NSUN2: variants seen among roughly 807,000 people sequenced by gnomAD.
NSUN2 encodes RNA cytosine C(5)-methyltransferase NSUN2.
In NSUN2, 63 loss-of-function variants were observed where a neutral mutation model predicts 92.7. The ratio of observed to expected loss-of-function variants is 0.68; its 90% CI spans 0.56 to 0.84. The LOEUF is 0.84. Among genes scored for constraint, NSUN2 ranks in the 40% least tolerant of loss-of-function variants. NSUN2 has a pLI of 0.00. For missense variants in NSUN2, 989 were observed against 964.9 expected (o/e 1.02, Z -0.33); for synonymous variants, 356 against 348.3 (o/e 1.02, Z -0.25).
rs979153366 is a variant in NSUN2, at chr5:6,620,153, C to A, written c.768G>T (p.Arg256Ser). Residue 256 changes from arginine (R) to serine (S), a missense_variant, in exon 7 of 19, where the codon AGG becomes AGT. Arg to Ser is a moderately radical substitution (Grantham distance 110, BLOSUM62 -1). Around this residue, in one of 3 missense-constraint regions of NSUN2, gnomAD observed 356 missense variants for 338.6 expected, o/e 1.05. Coordinates refer to ENST00000264670, the MANE Select transcript of NSUN2 (RefSeq NM_017755.6). ...TTCGATCATAGAAGAGGATCTCTTTCCTGCCGTCCACATCTATCTGGAGCC... is the reference window on the plus strand; with the variant it reads ...TTCGATCATAGAAGAGGATCTCTTTACTGCCGTCCACATCTATCTGGAGCC... ...IPRLQIDVDGRKEILFYDRIL... is the reference protein window; with the variant it reads ...IPRLQIDVDGSKEILFYDRIL... 2.5e-6 allele frequency: 4 copies of A among 1,609,412 alleles called. No homozygotes were observed. The highest frequency in any genetic ancestry group is 1.7e-5 in the Admixed American group (1 of 59,020).
Position 6,599,845 on chromosome 5 carries a change from G to T in NSUN2, c.*81C>A. 1 of 1,261,716 alleles carries T rather than the reference G, an allele frequency of 7.9e-7. No individual in the cohort carries two copies. The highest frequency in any genetic ancestry group is 1.1e-6 in the Non-Finnish European group (1 of 890,428). The allele number at this position is 1,261,716 out of a possible 1,614,324, so 78.2% of individuals were successfully genotyped here. ...TGCTTTACAGGCCACAGGCTGCTCT[G>T]GATTTGGTTTCAGACACCAGTGACC... On this transcript the variant is annotated 3_prime_UTR_variant, in exon 19 of 19. Transcript: ENST00000264670.
At chr5:6,601,052 C>T (rs1560969417) in intron 18 of NSUN2, among the ~76,000 whole-genome samples, 1 of 152,112 alleles carries the variant, frequency 6.6e-6, no homozygotes, top group Non-Finnish European at 1.5e-5. Context: ...TTTTAGGCTC[C>T]TAACGGCCGT....
chr5:6,628,304 T>C (rs1737734717), intron 3 of NSUN2, among the ~76,000 whole-genome samples: 1 of 151,986 alleles, frequency 6.6e-6, no homozygotes, highest in African/African-American at 2.4e-5. Flanking sequence ...GCTGAGATCA[T>C]GCCACTGCAC....
chr5:6,623,832 A>C (rs1737551996), intron 4 of NSUN2, among the ~76,000 whole-genome samples: 1 of 147,094 alleles, frequency 6.8e-6, no homozygotes, highest in Non-Finnish European at 1.5e-5. Flanking sequence ...TCAATATCTA[A>C]AATTCCTCAC....
At chr5:6,600,350 C>T in intron 18 of NSUN2, 118 bp from the exon 19 acceptor site, 1 of 883,426 alleles carries the variant, frequency 1.1e-6, no homozygotes, top group Non-Finnish European at 1.7e-6. Context: ...CCACAAAACC[C>T]CCAAAACTAC....
chr5:6,611,871 C>G (rs1167462764), intron 9 of NSUN2, 73 bp from the exon 10 acceptor site: 9 of 1,209,046 alleles, frequency 7.4e-6, no homozygotes, highest in Non-Finnish European at 1.1e-5. Context: ...TGAAAAAAAC[C>G]AGACACAGAT....
chr5:6,604,479 A>G (rs1320793401), intron 16 of NSUN2, 126 bp downstream of exon 16: 1 of 974,016 alleles, frequency 1.0e-6, no homozygotes, highest in Non-Finnish European at 1.6e-6. Flanking sequence ...GTGAGGGTCA[A>G]GTGGCTGGTA....
intron 3 of NSUN2, among the ~76,000 whole-genome samples, 174 bp from the exon 4 acceptor site, chr5:6,625,843 T>G (rs1737633432): frequency 6.6e-6 from 1 of 152,188 alleles, no homozygotes; most frequent in African/African-American, 2.4e-5. Flanking sequence ...GCTGTAGGCT[T>G]AAGGAACATG....
At position 6,610,238 on chromosome 5, in the gene NSUN2, A is replaced by G. The variant is rs538519224; in HGVS notation, c.1227-316T>C. 4.7e-5 allele frequency among the ~76,000 whole-genome samples: 7 copies of G among 149,674 alleles called. No individual in the cohort carries two copies. In the East Asian group the frequency reaches 1.4e-3, roughly 29 times the overall value. ...AACACACTGCCTGGCCAGTTTTTGT[A>G]TTTTTCTTTTTTTTTTTCTGTAGAG... On this transcript the variant is annotated intron_variant, in intron 11 of 18. Transcript: ENST00000264670.
Position 6,606,884 on chromosome 5 carries a change from A to G in NSUN2, c.1537T>C (p.Phe513Leu). 5 of 1,594,016 alleles carry G rather than the reference A, an allele frequency of 3.1e-6. No homozygotes were observed. The highest frequency in any genetic ancestry group is 4.3e-6 in the Non-Finnish European group (5 of 1,162,230). Residue 513 changes from phenylalanine (F) to leucine (L), a missense_variant, in exon 14 of 19, where the codon TTT (phenylalanine) becomes CTT (leucine). Phe to Leu is a conservative substitution (Grantham distance 22). Transcript: ENST00000264670. ...GPPPSKKMKL[F>L]GFKEDPFVFI... The stretch of plus-strand genomic sequence containing the variant: ...ACAAATGGATCTTCTTTAAATCCAA[A>G]TAACTTCATTTTCTTTGATGGAGGA...
chr5:6,627,100 C>A (rs1255870360), intron 3 of NSUN2, among the ~76,000 whole-genome samples: 2 of 152,162 alleles, frequency 1.3e-5, no homozygotes, highest in African/African-American at 4.8e-5. Context: ...AGGTCCCCAG[C>A]GCTTTGATTC....
Position 6,604,268 on chromosome 5 carries a change from A to G in NSUN2, c.1827T>C (p.Tyr609=), listed in dbSNP as rs866422414. 5.0e-6 allele frequency: 8 copies of G among 1,593,882 alleles called. No homozygotes were observed. The Middle Eastern group carries it at 8.3e-4, about 166-fold the overall frequency. ...TTGAGTTAATAAATGGATACAATGTATATATTCCCTGTGTGAATAAAGAGA... is the reference window on the plus strand; with the variant it reads ...TTGAGTTAATAAATGGATACAATGTGTATATTCCCTGTGTGAATAAAGAGA... The part of the protein sequence containing the change: ...CAFRLAQEGI[Y]TLYPFINSRI... The change falls in exon 17 of 19, where the codon TAT becomes TAC. Residue 609 remains tyrosine (Y), a synonymous_variant. Transcript: ENST00000264670.
intron 18 of NSUN2, among the ~76,000 whole-genome samples, chr5:6,600,609 C>T (rs1736512254): frequency 1.3e-5 from 2 of 152,324 alleles, no homozygotes; most frequent in Middle Eastern, 3.4e-3. Flanking sequence ...AGGCTCCCTG[C>T]AGCTCACCTC....
rs148924682 is a variant in NSUN2, at chr5:6,622,026, G to A, written c.612C>T (p.Val204=). 1.2e-6 allele frequency: 2 copies of A among 1,613,578 alleles called. No homozygotes were observed. The highest frequency in any genetic ancestry group is 1.7e-6 in the Non-Finnish European group (2 of 1,179,588). ...LIEMLHADMN[V]PFPEGFVIAN... ...AAGTCCAATGCATACCTGGAAAGGG[G>A]ACATTCATGTCGGCATGTAGCATTT... Residue 204 remains valine, a synonymous_variant, in exon 6 of 19, where the codon GTC becomes GTT. Transcript: ENST00000264670.
chr5:6,632,826 C>A, intron 1 of NSUN2, 58 bp downstream of exon 1: 1 of 1,561,936 alleles, frequency 6.4e-7, no homozygotes. Context: ...TCGCAGGCCT[C>A]GGGGTCCGGG....
chr5:6,617,875 T>C, intron 8 of NSUN2, 75 bp downstream of exon 8: 2 of 1,118,800 alleles, frequency 1.8e-6, no homozygotes, highest in Non-Finnish European at 2.6e-6. Flanking sequence ...AAAGATCGGA[T>C]GCTCACTTGC....
rs55802212 is a variant in NSUN2, at chr5:6,619,975, C to T, written c.815+131G>A. 0.017 allele frequency: 11,544 copies of T among 685,050 alleles called. 158 individuals are homozygous for T. The highest frequency in any genetic ancestry group is 0.031 in the Middle Eastern group (110 of 3,500). 42.4% of individuals were successfully genotyped at this position (685,050 alleles called of 1,614,324 possible). On this transcript the variant is annotated intron_variant, in intron 7 of 18. Transcript: ENST00000264670. The stretch of plus-strand genomic sequence containing the variant: ...CTACGTGTCCATCTTTTGGTTTAGG[C>T]TCACGCTATCTTTCTCCGCACCCCA...
rs1223255340 is a variant in NSUN2, at chr5:6,622,118, A to C, written c.538-18T>G. ...TCTAAGATCTATTAACAAAGCAAGA[A>C]ACTGTTTCATGTTTTTAAAAAACCA... On this transcript the variant is annotated intron_variant, in intron 5 of 18. Transcript: ENST00000264670. 1 of 1,593,296 alleles carries C rather than the reference A, an allele frequency of 6.3e-7. No individual in the cohort carries two copies. The highest frequency in any genetic ancestry group is 8.6e-7 in the Non-Finnish European group (1 of 1,166,106).
At chr5:6,609,730 T>C in intron 12 of NSUN2, 96 bp downstream of exon 12, 1 of 893,904 alleles carries the variant, frequency 1.1e-6, no homozygotes, top group Admixed American at 2.3e-5. Context: ...AGCAAGAAGC[T>C]CCTCTTTCCT....
Sources: allele counts gnomAD v4.1 joint callset (sites outside exome capture counted in the v4.1 genomes callset), GRCh38; gene constraint gnomAD v4.1.1; regional missense constraint gnomAD v4.1.1; transcripts MANE v1.5; gene names NCBI Gene and HGNC (gene_info 2026-07-23, HGNC 2026-07-21).